The following VPS18 variants were observed in gnomAD, a reference collection of about 807,000 sequenced individuals.
The protein encoded by VPS18 is VPS18 core subunit of CORVET and HOPS complexes, also known as vacuolar protein sorting-associated protein 18 homolog.
Under a neutral mutation model 82.0 loss-of-function variants are expected in VPS18, and 25 were observed. That is an observed-to-expected ratio of 0.30 (90% confidence interval 0.22 to 0.43). The LOEUF is 0.43. VPS18 is among the 20% of genes least tolerant of loss of function. The pLI, the probability that VPS18 is intolerant of heterozygous loss-of-function variation, is 1.00. For synonymous variants in VPS18, 523 were observed against 543.0 expected, an observed-to-expected ratio of 0.96 and a Z score of 0.51; for missense variants, 1,168 against 1,311.1, an observed-to-expected ratio of 0.89 and a Z score of 1.69.
At chr15:40,897,366 C>T (rs184057871) in intron 2 of VPS18, among the ~76,000 whole-genome samples, 23 of 151,324 alleles carry the variant, frequency 1.5e-4, no homozygotes, top group African/African-American at 5.1e-4. Flanking sequence ...AGAGCTATAT[C>T]GATTGACTAG....
At chr15:40,895,326 T>A (rs1892209950) in intron 1 of VPS18, among the ~76,000 whole-genome samples, 1 of 152,184 alleles carries the variant, frequency 6.6e-6, no homozygotes, top group African/African-American at 2.4e-5. Context: ...GAAATCTTTT[T>A]GGCCTTGGCT....
At position 40,903,300 on chromosome 15, in the gene VPS18, G is replaced by T. The variant is rs746302473; in HGVS notation, c.2881G>T (p.Asp961Tyr). 5.1e-6 allele frequency: 8 copies of T among 1,558,538 alleles called. No homozygotes were observed. The Admixed American group carries it at 7.7e-5, about 15-fold the overall frequency. ...CCGCTCTATCGACCGGCCGTTCATC[G>T]ACCCCCAGCGCTACGAGGAGGAGCA... The part of the protein sequence containing the change: ...MIRSIDRPFI[D>Y]PQRYEEEQLS... Residue 961 changes from aspartate to tyrosine, a missense_variant, in exon 5 of 5, where the codon GAC becomes TAC. Coordinates refer to ENST00000220509, the MANE Select transcript of VPS18 (RefSeq NM_020857.3).
chr15:40,898,853 A>G, intron 2 of VPS18, 54 bp from the exon 3 acceptor site: 1 of 1,529,202 alleles, frequency 6.5e-7, no homozygotes, highest in Non-Finnish European at 9.0e-7. Flanking sequence ...GAAGATCATG[A>G]TCCAAAAAAG....
At chr15:40,895,861 G>A in intron 1 of VPS18, 77 bp from the exon 2 acceptor site, 1 of 1,587,124 alleles carries the variant, frequency 6.3e-7, no homozygotes, top group East Asian at 2.2e-5. Context: ...GAGGAGCACT[G>A]TGGTGTTTTT....
Position 40,894,679 on chromosome 15 carries a change from C to T in VPS18, c.-90C>T. 7.7e-7 allele frequency: 1 copy of T among 1,300,830 alleles called. No homozygotes were observed. The allele number at this position is 1,300,830 out of a possible 1,614,324, so 80.6% of individuals were successfully genotyped here. On this transcript the variant is annotated 5_prime_UTR_variant, in exon 1 of 5. Coordinates refer to ENST00000220509, the MANE Select transcript of VPS18 (RefSeq NM_020857.3). ...GGATCTGTCAGAGGCTGGGGAGTTA[C>T]AGCTTCCATTCTGGGGCGACGGGGA...
rs745572510 is a variant in VPS18, at chr15:40,902,656, A to T, written c.2237A>T (p.Glu746Val). 5 of 1,614,172 alleles carry T rather than the reference A, an allele frequency of 3.1e-6. No individual in the cohort carries two copies. The South Asian group carries it at 4.4e-5, about 14-fold the overall frequency. The change falls in exon 5 of 5, where the codon GAG becomes GTG. Residue 746 changes from glutamate to valine, a missense_variant. Physicochemically the swap from Glu to Val is moderately radical, Grantham distance 121 (BLOSUM62 -2). Coordinates refer to ENST00000220509, the MANE Select transcript of VPS18 (RefSeq NM_020857.3). This position sits in a 1 kb window ranked among gnomAD's most constrained non-coding sequence, Gnocchi z 4.2. Reference protein sequence around the residue: ...DLAKQCADLPEEDEELRKKLW... With the variant: ...DLAKQCADLPVEDEELRKKLW... ...GCCAAGCAGTGTGCAGACCTGCCTGAGGAGGATGAGGAATTGCGCAAGAAG... is the reference window on the plus strand; with the variant it reads ...GCCAAGCAGTGTGCAGACCTGCCTGTGGAGGATGAGGAATTGCGCAAGAAG...
rs751132605 is a variant in VPS18 at position 40,899,967 on chromosome 15, G to A, written c.1149G>A (p.Glu383=). Residue 383 remains glutamate, a synonymous_variant, in exon 4 of 5, where the codon GAG becomes GAA. Coordinates refer to ENST00000220509, the MANE Select transcript of VPS18 (RefSeq NM_020857.3). This position sits in a 1 kb window ranked among gnomAD's most constrained non-coding sequence, Gnocchi z 4.4. ...CAGGCCAGCTGTGGGCCTACACTGA[G>A]CGGGCTGTCTTCCGCTACCACGTGC... is the stretch of plus-strand genomic sequence containing the variant. ...SSTGQLWAYT[E]RAVFRYHVQR... 1 of 1,614,024 alleles carries A rather than the reference G, an allele frequency of 6.2e-7. No individual in the cohort carries two copies. The highest frequency in any genetic ancestry group is 2.2e-5 in the East Asian group (1 of 44,886).
At position 40,899,712 on chromosome 15, in the gene VPS18, C is replaced by G; in HGVS notation, c.894C>G (p.Asp298Glu). The part of the protein sequence containing the change: ...MGDGVLYGAL[D>E]CGRPDSLLSE... ...ATGGTGTGTTGTATGGGGCATTGGA[C>G]TGTGGGCGCCCTGACTCTCTGCTGA... is the stretch of plus-strand genomic sequence containing the variant. The change falls in exon 4 of 5, where the codon GAC becomes GAG. Residue 298 changes from aspartate to glutamate, a missense_variant. By Grantham distance (45) the Asp-to-Glu change is conservative (BLOSUM62 2). Around this residue, in one of 3 missense-constraint regions of VPS18, gnomAD observed 868 missense variants for 939.8 expected, o/e 0.92. Transcript: ENST00000220509. The surrounding 1 kb of genome is among the most constrained non-coding windows in gnomAD (Gnocchi z 4.4). 2 of 1,613,998 alleles carry G rather than the reference C, an allele frequency of 1.2e-6. No homozygotes were observed. Among genetic ancestry groups the G allele is most frequent in the Non-Finnish European group, 1.7e-6 (2 of 1,180,040 alleles).
rs901455206 is a variant in VPS18 at position 40,901,865 on chromosome 15, C to A, written c.2197-751C>A. Among the ~76,000 whole-genome samples, 8 of 152,080 alleles carry A rather than the reference C, an allele frequency of 5.3e-5. No individual in the cohort carries two copies. In the East Asian group the frequency reaches 1.5e-3, roughly 29 times the overall value. On this transcript the variant is annotated intron_variant, in intron 4 of 4. Transcript: ENST00000220509. The stretch of plus-strand genomic sequence containing the variant: ...AGGTTTCAGTGAACCAAAATCGCAC[C>A]ACTGCACTCCAGCCCGGGCAACAGA...
Position 40,900,617 on chromosome 15 carries a change from C to T in VPS18, c.1799C>T (p.Pro600Leu), listed in dbSNP as rs1892337003. Residue 600 changes from proline (P) to leucine (L), a missense_variant, in exon 4 of 5, where the codon CCC becomes CTC. Physicochemically the swap from Pro to Leu is moderately conservative, Grantham distance 98 (BLOSUM62 -3). Transcript: ENST00000220509. This position sits in a 1 kb window ranked among gnomAD's most constrained non-coding sequence, Gnocchi z 5.4. ...CCCCAGCTCTTCTACAAGTTCTCAC[C>T]CATCCTCATCCGTCACATCCCCCGC... ...RDPQLFYKFS[P>L]ILIRHIPRQL... 2 of 1,613,934 alleles carry T rather than the reference C, an allele frequency of 1.2e-6. No individual in the cohort carries two copies. The highest frequency in any genetic ancestry group is 1.7e-5 in the Admixed American group (1 of 60,008).
Position 40,900,496 on chromosome 15 carries a change from G to T in VPS18, c.1678G>T (p.Ala560Ser). Residue 560 changes from alanine to serine, a missense_variant, in exon 4 of 5, where the codon GCA (alanine) becomes TCA (serine). By Grantham distance (99) the Ala-to-Ser change is moderately conservative. Coordinates refer to ENST00000220509, the MANE Select transcript of VPS18 (RefSeq NM_020857.3). This position sits in a 1 kb window ranked among gnomAD's most constrained non-coding sequence, Gnocchi z 5.4. ...HGDTEHMVYF[A>S]VIMQDYERVV... ...GGACACAGAACACATGGTGTACTTT[G>T]CAGTGATCATGCAGGACTATGAGCG... 6.2e-7 allele frequency: 1 copy of T among 1,614,144 alleles called. No homozygotes were observed. Among genetic ancestry groups the T allele is most frequent in the Non-Finnish European group, 8.5e-7 (1 of 1,180,030 alleles).
chr15:40,903,513 T>A lies in VPS18; in HGVS notation c.*172T>A, dbSNP rs1434397054. 9 of 876,534 alleles carry A rather than the reference T, an allele frequency of 1.0e-5. No homozygotes were observed. The highest frequency in any genetic ancestry group is 1.3e-5 in the Non-Finnish European group (8 of 625,446). 54.3% of individuals were successfully genotyped at this position (876,534 alleles called of 1,614,324 possible). A position where few individuals can be genotyped will look rare whatever the true frequency, so the allele number is the denominator to read the frequency against. On this transcript the variant is annotated 3_prime_UTR_variant, in exon 5 of 5. Transcript: ENST00000220509. ...GGAGGTGTCAGGTGTGAGTGTATTC[T>A]GCCAGCTTTTCATGCTGTTCTTCAG...
In VPS18 at chr15:40,896,001, C is replaced by T; in HGVS notation, c.155C>T (p.Thr52Ile). Residue 52 changes from threonine to isoleucine, a missense_variant, in exon 2 of 5, where the codon ACC becomes ATC. Coordinates refer to ENST00000220509, the MANE Select transcript of VPS18 (RefSeq NM_020857.3). ...PIFTKQRIDF[T>I]PSERITSLVV... is the part of the protein sequence containing the mutation. The stretch of plus-strand genomic sequence containing the variant: ...TTCACAAAGCAGCGCATTGACTTCA[C>T]CCCTTCCGAGCGCATTACCAGTCTT... 6.2e-7 allele frequency: 1 copy of T among 1,614,212 alleles called. No individual in the cohort carries two copies. Among genetic ancestry groups the T allele is most frequent in the Non-Finnish European group, 8.5e-7 (1 of 1,180,038 alleles).
chr15:40,903,234 T>C lies in VPS18; in HGVS notation c.2815T>C (p.Leu939=), dbSNP rs573242336. Residue 939 remains leucine, a synonymous_variant, in exon 5 of 5, where the codon TTG becomes CTG. Coordinates refer to ENST00000220509, the MANE Select transcript of VPS18 (RefSeq NM_020857.3). ...ACAGCTCAAGGCTGACCTGGATGAG[T>C]TGGTGGCCGCTGAGTGTGTGTACTG... The part of the protein sequence containing the change: ...REQLKADLDE[L]VAAECVYCGE... 1.9e-6 allele frequency: 3 copies of C among 1,611,508 alleles called. No homozygotes were observed. Among genetic ancestry groups the C allele is most frequent in the East Asian group, 2.2e-5 (1 of 44,838 alleles).
rs763837404 is a variant in VPS18 at position 40,899,272 on chromosome 15, G to A, written c.454G>A (p.Gly152Ser). ...VESVGWNKAL[G>S]TESSTGPILV... ...GAGTGTGGGTTGGAACAAGGCACTG[G>A]GCACGGAGAGCAGCACAGGCCCCAT... Residue 152 changes from glycine (G) to serine (S), a missense_variant, in exon 4 of 5, where the codon GGC becomes AGC. Gly to Ser is a moderately conservative substitution (Grantham distance 56). Transcript: ENST00000220509. The surrounding 1 kb of genome is among the most constrained non-coding windows in gnomAD (Gnocchi z 4.4). The A allele has an allele frequency of 6.2e-7, 1 of 1,614,124 alleles. No homozygotes were observed. Among genetic ancestry groups the A allele is most frequent in the African/African-American group, 1.3e-5 (1 of 74,956 alleles).
At position 40,899,003 on chromosome 15, in the gene VPS18, G is replaced by A. The variant is rs2142037223; in HGVS notation, c.325+5G>A. 1.9e-6 allele frequency: 3 copies of A among 1,614,052 alleles called. No homozygotes were observed. The South Asian group carries it at 3.3e-5, about 18-fold the overall frequency. On this transcript the variant is annotated splice_donor_5th_base_variant and intron_variant, in intron 3 of 4. Coordinates refer to ENST00000220509, the MANE Select transcript of VPS18 (RefSeq NM_020857.3). This position sits in a 1 kb window ranked among gnomAD's most constrained non-coding sequence, Gnocchi z 4.4. ...AGATGTTCCTTGACCATACTGGTAA[G>A]TAACAGTGGAGATCTGAGGAGGGGG...
At chr15:40,898,740 T>C (rs1892280247) in intron 2 of VPS18, 167 bp from the exon 3 acceptor site, 3 of 752,404 alleles carry the variant, frequency 4.0e-6, no homozygotes, top group Non-Finnish European at 6.8e-6. Flanking sequence ...CCCAAAGTGC[T>C]GGGATTACAG....
chr15:40,902,733 A>G lies in VPS18; in HGVS notation c.2314A>G (p.Thr772Ala). The change falls in exon 5 of 5, where the codon ACA (threonine) becomes GCA (alanine). Residue 772 changes from threonine to alanine, a missense_variant. Around this residue, in one of 3 missense-constraint regions of VPS18, gnomAD observed 296 missense variants for 354.0 expected, o/e 0.84. Coordinates refer to ENST00000220509, the MANE Select transcript of VPS18 (RefSeq NM_020857.3). The surrounding 1 kb of genome is among the most constrained non-coding windows in gnomAD (Gnocchi z 4.2). ...GGTGCAGGAAGAGGAAGATGTACAG[A>G]CAGCCATGGCTTGCCTGGCTAGCTG... ...HVVQEEEDVQ[T>A]AMACLASCPL... The G allele has an allele frequency of 6.2e-7, 1 of 1,614,286 alleles. No homozygotes were observed. The highest frequency in any genetic ancestry group is 8.5e-7 in the Non-Finnish European group (1 of 1,180,054).
intron 1 of VPS18, among the ~76,000 whole-genome samples, chr15:40,895,727 C>G (rs926451098): frequency 2.0e-5 from 3 of 152,224 alleles, no homozygotes; most frequent in African/African-American, 7.2e-5. Context: ...GAATCAACCC[C>G]TCACTGCTGT....
Sources: allele counts gnomAD v4.1 joint callset (sites outside exome capture counted in the v4.1 genomes callset), GRCh38; gene constraint gnomAD v4.1.1; regional missense constraint gnomAD v4.1.1; non-coding constraint Gnocchi (gnomAD v3.1); transcripts MANE v1.5; gene names NCBI Gene and HGNC (gene_info 2026-07-23, HGNC 2026-07-21).